The following DCTN5 variants were observed in gnomAD, a reference collection of about 807,000 sequenced individuals.
DCTN5 encodes the protein dynactin subunit 5, also known as dynactin 4.
In DCTN5, 14 loss-of-function variants were observed where a neutral mutation model predicts 23.5. The observed-to-expected ratio is 0.60, with a 90% CI of 0.39 to 0.93. DCTN5 has a LOEUF of 0.93. Among genes scored for constraint, DCTN5 ranks in the 40% least tolerant of loss-of-function variants. DCTN5 has a pLI of 0.00. For missense variants in DCTN5, 156 were observed against 225.9 expected (o/e 0.69, Z 1.98); for synonymous variants, 67 against 79.6 (o/e 0.84, Z 0.84).
At chr16:23,645,589 A>C (rs560830430) in intron 2 of DCTN5, among the ~76,000 whole-genome samples, 1 of 152,286 alleles carries the variant, frequency 6.6e-6, no homozygotes, top group Non-Finnish European at 1.5e-5. Context: ...TGATAGCCTG[A>C]ATCTACTTTC....
At chr16:23,651,301 C>T (rs1967600553) in intron 2 of DCTN5, among the ~76,000 whole-genome samples, 1 of 152,150 alleles carries the variant, frequency 6.6e-6, no homozygotes, top group South Asian at 2.1e-4. Flanking sequence ...TTCTTTTTAA[C>T]ACCCCGTTAC....
At chr16:23,661,303 G>A (rs1460860166) in intron 4 of DCTN5, 22 bp downstream of exon 4, 1 of 1,568,344 alleles carries the variant, frequency 6.4e-7, no homozygotes, top group Admixed American at 1.7e-5. Context: ...GACTTGGCTG[G>A]CAAAGCAGCT....
At chr16:23,663,711 G>T (rs1332832777) in intron 4 of DCTN5, among the ~76,000 whole-genome samples, 1 of 151,680 alleles carries the variant, frequency 6.6e-6, no homozygotes, top group Non-Finnish European at 1.5e-5. Context: ...GTGAGACTCT[G>T]TCCCCCGCCA....
intron 2 of DCTN5, among the ~76,000 whole-genome samples, chr16:23,653,687 G>A (rs1429653867): frequency 6.6e-6 from 1 of 152,132 alleles, no homozygotes; most frequent in South Asian, 2.1e-4. Flanking sequence ...GCAACAAAGC[G>A]AAAGTTGACA....
intron 1 of DCTN5, among the ~76,000 whole-genome samples, chr16:23,642,379 C>G (rs927500242): frequency 2.0e-5 from 3 of 152,182 alleles, no homozygotes; most frequent in African/African-American, 7.2e-5. Flanking sequence ...GTTTTAAGGC[C>G]GTAAAGCCCA....
intron 2 of DCTN5, among the ~76,000 whole-genome samples, chr16:23,648,016 G>A (rs553833560): frequency 3.3e-5 from 5 of 151,870 alleles, no homozygotes; most frequent in South Asian, 2.1e-4. Context: ...AGAGAAAACC[G>A]CTGTCCTGAT....
At chr16:23,647,137 T>G (rs1967481820) in intron 2 of DCTN5, among the ~76,000 whole-genome samples, 1 of 3,424 alleles carries the variant, frequency 2.9e-4, no homozygotes, top group Non-Finnish European at 3.4e-3. Context: ...GTTTTCTGGT[T>G]TTTTTTTTTT....
At chr16:23,645,772 A>AT (rs1325020306) in intron 2 of DCTN5, among the ~76,000 whole-genome samples, 1 of 152,196 alleles carries the variant, frequency 6.6e-6, no homozygotes, top group Non-Finnish European at 1.5e-5. Flanking sequence ...TTGTATGTAT[A>AT]TGCCACATTT....
rs1178495050 is a variant in DCTN5, at chr16:23,645,122, TATATATA to T, written c.117+2100_117+2106del. Among the ~76,000 whole-genome samples the T allele has an allele frequency of 1.5e-4, 6 of 40,886 alleles. 1 individual carries two copies. Among genetic ancestry groups the T allele is most frequent in the East Asian group, 1.4e-3 (2 of 1,392 alleles). 26.8% of individuals were successfully genotyped at this position (40,886 alleles called of 152,430 possible). On this transcript the variant is annotated intron_variant, in intron 2 of 5. Transcript: ENST00000300087. ...ATATATATATATATATATATATATA[TATATATA>T]TATATATATTTTTTTTTTTTTTAAT...
intron 2 of DCTN5, among the ~76,000 whole-genome samples, chr16:23,649,685 T>C (rs1967556008): frequency 6.6e-6 from 1 of 151,650 alleles, no homozygotes; most frequent in Admixed American, 6.6e-5. Flanking sequence ...TTACTAAAAA[T>C]AGAAAAAATT....
chr16:23,664,929 A>G (rs181826901), intron 4 of DCTN5, among the ~76,000 whole-genome samples: 177 of 152,330 alleles, frequency 1.2e-3, no homozygotes, highest in African/African-American at 3.8e-3. Context: ...ACAGGAGTAG[A>G]TCTTAATGTC....
chr16:23,665,735 T>TTGG lies in DCTN5; in HGVS notation c.451+8_451+10dup, dbSNP rs1269899264. 3.1e-6 allele frequency: 5 copies of TTGG among 1,607,588 alleles called. No individual in the cohort carries two copies. In the South Asian group the frequency reaches 4.4e-5, roughly 14 times the overall value. The stretch of plus-strand genomic sequence containing the variant: ...GTCTTCTCAGGCTGCCCAGGTAACC[T>TTGG]TGGCTGTTGATTAATTTTATTTTAA... On this transcript the variant is annotated splice_region_variant and intron_variant, in intron 5 of 5. Transcript: ENST00000300087.
chr16:23,663,723 CA>C (rs372089273), intron 4 of DCTN5, among the ~76,000 whole-genome samples: 14 of 145,410 alleles, frequency 9.6e-5, no homozygotes, highest in African/African-American at 1.0e-4. Flanking sequence ...CCCCCGCCAC[CA>C]AAAAAAAAAG....
intron 3 of DCTN5, 68 bp downstream of exon 3, chr16:23,658,693 T>C (rs1370053881): frequency 3.2e-6 from 4 of 1,246,770 alleles, no homozygotes; most frequent in Non-Finnish European, 4.7e-6. Context: ...GGTCCATGTG[T>C]TGAGTTGTGG....
Position 23,671,518 on chromosome 16 carries a change from G to A in DCTN5, c.*4374G>A, listed in dbSNP as rs1968007462. On this transcript the variant is annotated 3_prime_UTR_variant, in exon 6 of 6. Transcript: ENST00000300087. Reference sequence around the variant, plus strand: ...TAATCCTCCCAACTGTCAAAAAAGTGAGAGTTTCACAGCCTGTTTTACAGC... The same window carrying A: ...TAATCCTCCCAACTGTCAAAAAAGTAAGAGTTTCACAGCCTGTTTTACAGC... The A allele has an allele frequency of 6.6e-6, 1 of 152,298 alleles. No individual in the cohort carries two copies. Among genetic ancestry groups the A allele is most frequent in the Non-Finnish European group, 1.5e-5 (1 of 68,016 alleles). 9.4% of individuals were successfully genotyped at this position (152,298 alleles called of 1,614,324 possible).
At chr16:23,659,299 C>G (rs1350495907) in intron 3 of DCTN5, among the ~76,000 whole-genome samples, 3 of 152,140 alleles carry the variant, frequency 2.0e-5, no homozygotes, top group Non-Finnish European at 4.4e-5. Flanking sequence ...CCAAGAAAGG[C>G]CAGGGACAGA....
intron 2 of DCTN5, among the ~76,000 whole-genome samples, chr16:23,647,697 G>A (rs904790714): frequency 6.7e-6 from 1 of 149,024 alleles, no homozygotes; most frequent in African/African-American, 2.5e-5. Flanking sequence ...TAGTAGAGAC[G>A]GGGTTTTACC....
chr16:23,673,584 C>A lies in DCTN5; in HGVS notation c.*6440C>A, dbSNP rs1464298921. On this transcript the variant is annotated 3_prime_UTR_variant, in exon 6 of 6. Coordinates refer to ENST00000300087, the MANE Select transcript of DCTN5 (RefSeq NM_032486.4). ...CGCCTGTAGTCCCAGCTACTCATCT[C>A]TTAAAAAAAAAGTTTTATGCTTGTT... 1 of 152,110 alleles carries A rather than the reference C, an allele frequency of 6.6e-6. No individual in the cohort carries two copies. The highest frequency in any genetic ancestry group is 6.6e-5 in the Admixed American group (1 of 15,266). 9.4% of individuals were successfully genotyped at this position (152,110 alleles called of 1,614,324 possible). A position where few individuals can be genotyped will look rare whatever the true frequency, so the allele number is the denominator to read the frequency against.
rs181263913 is a variant in DCTN5, at chr16:23,641,597, G to A, written c.48+7G>A. 431 of 1,613,924 alleles carry A rather than the reference G, an allele frequency of 2.7e-4. 4 individuals carry two copies. The African/African-American group carries it at 5.3e-3, about 20-fold the overall frequency. On this transcript the variant is annotated splice_region_variant and intron_variant, in intron 1 of 5. Transcript: ENST00000300087. ...GTCTGAGTACATCGAGACGGTGCGCGGGTCCAGATATGTATCCTCCTCTTT... is the reference window on the plus strand; with the variant it reads ...GTCTGAGTACATCGAGACGGTGCGCAGGTCCAGATATGTATCCTCCTCTTT...
Sources: allele counts gnomAD v4.1 joint callset (sites outside exome capture counted in the v4.1 genomes callset), GRCh38; gene constraint gnomAD v4.1.1; transcripts MANE v1.5; gene names NCBI Gene and HGNC (gene_info 2026-07-23, HGNC 2026-07-21).